The following SH3GL3 variants were observed in gnomAD, a reference collection of about 807,000 sequenced individuals.
The protein encoded by SH3GL3 is endophilin-A3.
SH3GL3 carries 33 observed loss-of-function variants against 47.7 expected under a neutral mutation model. The observed-to-expected ratio is 0.69, with a 90% CI of 0.52 to 0.92. The LOEUF (loss-of-function observed/expected upper bound fraction) is 0.92. Ranked by LOEUF, SH3GL3 falls within the 40% of genes least tolerant of loss-of-function variation. SH3GL3 has a pLI of 0.00. For missense variants in SH3GL3, 363 were observed against 417.8 expected (o/e 0.87, Z 1.14); for synonymous variants, 155 against 148.8 (o/e 1.04, Z -0.30).
intron 8 of SH3GL3, 88 bp from the exon 9 acceptor site, chr15:83,617,994 G>A: frequency 1.1e-6 from 1 of 880,168 alleles, no homozygotes; most frequent in Non-Finnish European, 1.9e-6. Flanking sequence ...GCTGTTAAGG[G>A]TCTCTCTGAG....
At chr15:83,467,890 C>G (rs908357910) in intron 1 of SH3GL3, among the ~76,000 whole-genome samples, 1 of 152,104 alleles carries the variant, frequency 6.6e-6, no homozygotes, top group Non-Finnish European at 1.5e-5. Flanking sequence ...TGCAGTGGCA[C>G]AATCTTGGCT....
chr15:83,606,185 T>A (rs1263767738), intron 8 of SH3GL3, among the ~76,000 whole-genome samples: 2 of 152,200 alleles, frequency 1.3e-5, no homozygotes, highest in African/African-American at 4.8e-5. Flanking sequence ...ATTCCAAATG[T>A]GTGCTACAGG....
chr15:83,583,864 C>G (rs760213290), intron 6 of SH3GL3, among the ~76,000 whole-genome samples: 1 of 152,112 alleles, frequency 6.6e-6, no homozygotes, highest in African/African-American at 2.4e-5. Flanking sequence ...GGCCCATTAC[C>G]CCCTGAGCTT....
At chr15:83,546,991 G>A (rs1032753350) in intron 1 of SH3GL3, among the ~76,000 whole-genome samples, 2 of 152,098 alleles carry the variant, frequency 1.3e-5, no homozygotes, top group African/African-American at 4.8e-5. Context: ...CTGGAGTTGG[G>A]GAAGGGGTGA....
At chr15:83,549,142 A>C (rs533230094) in intron 1 of SH3GL3, among the ~76,000 whole-genome samples, 1 of 152,280 alleles carries the variant, frequency 6.6e-6, no homozygotes, top group East Asian at 1.9e-4. Flanking sequence ...TTTTTGATAA[A>C]AATTTTACAT....
intron 1 of SH3GL3, among the ~76,000 whole-genome samples, chr15:83,546,037 T>C (rs1396706911): frequency 6.6e-6 from 1 of 152,138 alleles, no homozygotes; most frequent in African/African-American, 2.4e-5. Flanking sequence ...TCCTGAATTC[T>C]GCTGATGTTT....
At chr15:83,470,859 C>T (rs2040801044) in intron 1 of SH3GL3, among the ~76,000 whole-genome samples, 1 of 152,098 alleles carries the variant, frequency 6.6e-6, no homozygotes, top group Admixed American at 6.5e-5. Flanking sequence ...TTATCAAAGT[C>T]TACTGATGTC....
intron 8 of SH3GL3, among the ~76,000 whole-genome samples, chr15:83,617,773 T>TC (rs2060865236): frequency 6.6e-6 from 1 of 152,210 alleles, no homozygotes. Flanking sequence ...GGCCTGTGAT[T>TC]CCTCTGTCGC....
At chr15:83,565,695 G>A (rs922330798) in intron 3 of SH3GL3, 1 of 152,270 alleles carries the variant, frequency 6.6e-6, no homozygotes, top group Non-Finnish European at 1.5e-5. Flanking sequence ...TCCACTGAAG[G>A]TCTGGGTTTC....
At chr15:83,496,721 A>C (rs929815971) in intron 1 of SH3GL3, among the ~76,000 whole-genome samples, 2 of 152,192 alleles carry the variant, frequency 1.3e-5, no homozygotes, top group Non-Finnish European at 1.5e-5. Flanking sequence ...GTGCTGTAGT[A>C]GCTGGCATCA....
At chr15:83,497,147 TAA>T (rs2042112549) in intron 1 of SH3GL3, among the ~76,000 whole-genome samples, 1 of 152,226 alleles carries the variant, frequency 6.6e-6, no homozygotes, top group Non-Finnish European at 1.5e-5. Flanking sequence ...AGCTTCAAGA[TAA>T]GTCACTAATC....
chr15:83,592,395 A>C (rs926883308), intron 8 of SH3GL3, among the ~76,000 whole-genome samples: 1 of 152,184 alleles, frequency 6.6e-6, no homozygotes, highest in African/African-American at 2.4e-5. Context: ...TCACGGATGA[A>C]AATGTGAGCA....
intron 1 of SH3GL3, among the ~76,000 whole-genome samples, chr15:83,516,356 A>G (rs1223231757): frequency 6.6e-6 from 1 of 152,174 alleles, no homozygotes; most frequent in Non-Finnish European, 1.5e-5. Context: ...CGACTATAGT[A>G]TGTTTTGTGG....
At chr15:83,530,942 A>G (rs2043641736) in intron 1 of SH3GL3, among the ~76,000 whole-genome samples, 1 of 152,210 alleles carries the variant, frequency 6.6e-6, no homozygotes. Flanking sequence ...AAAGACAGCA[A>G]ATAGTAACAA....
intron 1 of SH3GL3, among the ~76,000 whole-genome samples, chr15:83,504,867 A>G (rs1370887434): frequency 6.6e-6 from 1 of 152,186 alleles, no homozygotes; most frequent in East Asian, 1.9e-4. Flanking sequence ...AGTAATAGAC[A>G]ACTAACATAA....
At chr15:83,588,407 T>G (rs1345432455) in intron 7 of SH3GL3, among the ~76,000 whole-genome samples, 1 of 152,220 alleles carries the variant, frequency 6.6e-6, no homozygotes, top group Non-Finnish European at 1.5e-5. Context: ...ATTACAGGCA[T>G]GAGCCACCAT....
intron 1 of SH3GL3, among the ~76,000 whole-genome samples, chr15:83,472,630 G>T (rs772867809): frequency 5.3e-5 from 8 of 151,992 alleles, no homozygotes; most frequent in Non-Finnish European, 1.0e-4. Flanking sequence ...CATCTTCACA[G>T]TGGCTTCTTG....
At chr15:83,604,163 G>A (rs2060459222) in intron 8 of SH3GL3, among the ~76,000 whole-genome samples, 1 of 151,696 alleles carries the variant, frequency 6.6e-6, no homozygotes, top group African/African-American at 2.4e-5. Context: ...AAAAAAAAAA[G>A]AAGCTAGGTA....
At chr15:83,548,159 GCTTTTGTGCTAT>G in intron 1 of SH3GL3, among the ~76,000 whole-genome samples, 1 of 151,458 alleles carries the variant, frequency 6.6e-6, no homozygotes, top group East Asian at 1.9e-4. Context: ...CTTAGTGGTG[GCTTTTGTGCTAT>G]CATTTTTATG....
Sources: allele counts gnomAD v4.1 joint callset (sites outside exome capture counted in the v4.1 genomes callset), GRCh38; gene constraint gnomAD v4.1.1; transcripts MANE v1.5; gene names NCBI Gene and HGNC (gene_info 2026-07-23, HGNC 2026-07-21).